SUGCT: variants seen among roughly 807,000 people sequenced by gnomAD.
SUGCT encodes the protein succinyl-CoA:glutarate-CoA transferase, also known as succinyl-CoA:glutarate CoA-transferase.
SUGCT carries 41 observed loss-of-function variants against 55.0 expected under a neutral mutation model. That is an observed-to-expected ratio of 0.74 (90% CI 0.58 to 0.97). The LOEUF (loss-of-function observed/expected upper bound fraction) is 0.97, where lower values mean the gene tolerates loss of function less well. Ranked by LOEUF, SUGCT falls within the 50% of genes least tolerant of loss-of-function variation. The probability of loss-of-function intolerance (pLI) is 0.00; values close to 1 mark genes in which losing one functional copy is unlikely to be tolerated. For synonymous variants in SUGCT, 187 were observed against 200.4 expected (o/e 0.93, Z 0.56); for missense variants, 568 against 547.8 (o/e 1.04, Z -0.37).
intron 13 of SUGCT, among the ~76,000 whole-genome samples, chr7:40,805,500 A>G (rs948973388): frequency 6.6e-6 from 1 of 152,202 alleles, no homozygotes; most frequent in Non-Finnish European, 1.5e-5. Flanking sequence ...GTCTTCACCA[A>G]TTTCTGGACT....
At chr7:40,682,249 C>T (rs1784282084) in intron 12 of SUGCT, among the ~76,000 whole-genome samples, 1 of 152,192 alleles carries the variant, frequency 6.6e-6, no homozygotes, top group South Asian at 2.1e-4. Flanking sequence ...CTCCCATTCC[C>T]CACCCTATAC....
At chr7:40,600,052 G>A (rs1005363609) in intron 12 of SUGCT, among the ~76,000 whole-genome samples, 10 of 152,256 alleles carry the variant, frequency 6.6e-5, no homozygotes, top group South Asian at 2.1e-4. Flanking sequence ...TCTTGTGCCC[G>A]TCAGCAGTTC....
the SUGCT span, among the ~76,000 whole-genome samples, chr7:41,030,067 C>T: frequency 6.6e-6 from 1 of 152,176 alleles, no homozygotes; most frequent in Non-Finnish European, 1.5e-5. Flanking sequence ...AAGGCTTCTC[C>T]ATGTCTTTTC....
Position 40,383,679 on chromosome 7 carries a change from G to A in SUGCT, c.817-65608G>A, listed in dbSNP as rs537778190. ...GGAATTCTGATAAGGAAGAGATTGT[G>A]TCCATTGGGACTAAGTTTGGGGTGG... On this transcript the variant is annotated intron_variant, in intron 9 of 13. Coordinates refer to ENST00000335693, the MANE Select transcript of SUGCT (RefSeq NM_001193313.2). 9.0e-4 allele frequency among the ~76,000 whole-genome samples: 137 copies of A among 152,296 alleles called. 1 individual carries two copies. Among genetic ancestry groups the A allele is most frequent in the African/African-American group, 3.2e-3 (133 of 41,556 alleles).
At chr7:41,001,290 A>G in the SUGCT span, among the ~76,000 whole-genome samples, 2 of 152,102 alleles carry the variant, frequency 1.3e-5, no homozygotes, top group Non-Finnish European at 2.9e-5. Flanking sequence ...TCAGAGAAGG[A>G]GTGTCACACA....
At chr7:40,151,734 A>C (rs754351305) in intron 1 of SUGCT, 1 of 164,476 alleles carries the variant, frequency 6.1e-6, no homozygotes, top group East Asian at 1.8e-4. Flanking sequence ...TCAAGTCACT[A>C]TGTAACTGCC....
intron 6 of SUGCT, among the ~76,000 whole-genome samples, chr7:40,207,678 G>A (rs990123929): frequency 2.6e-5 from 4 of 152,024 alleles, no homozygotes; most frequent in South Asian, 4.2e-4. Context: ...TTAGCCAGGC[G>A]TGGTGGCGGG....
chr7:40,666,676 A>G (rs1427096386), intron 12 of SUGCT, among the ~76,000 whole-genome samples: 1 of 152,034 alleles, frequency 6.6e-6, no homozygotes, highest in African/African-American at 2.4e-5. Flanking sequence ...GATATAATAC[A>G]TTTATGTTCC....
chr7:40,396,849 A>G (rs1167578780), intron 9 of SUGCT, among the ~76,000 whole-genome samples: 1 of 152,160 alleles, frequency 6.6e-6, no homozygotes, highest in Non-Finnish European at 1.5e-5. Context: ...TTCTTTAAGC[A>G]GTAACTGGAC....
At chr7:40,365,496 T>C (rs1367939877) in intron 9 of SUGCT, among the ~76,000 whole-genome samples, 2 of 152,124 alleles carry the variant, frequency 1.3e-5, no homozygotes, top group Admixed American at 6.5e-5. Context: ...GATGACATGA[T>C]TGTATATCTA....
chr7:40,693,071 C>G (rs763311292), intron 12 of SUGCT, among the ~76,000 whole-genome samples: 3 of 152,172 alleles, frequency 2.0e-5, no homozygotes, highest in Non-Finnish European at 2.9e-5. Flanking sequence ...GGAGCTACTT[C>G]TTAAACTAAG....
At chr7:40,608,004 G>A (rs1330928524) in intron 12 of SUGCT, among the ~76,000 whole-genome samples, 2 of 152,166 alleles carry the variant, frequency 1.3e-5, no homozygotes, top group African/African-American at 4.8e-5. Flanking sequence ...TTTGACTTGA[G>A]GGTCTTCAAC....
At chr7:40,383,399 G>A (rs561162283) in intron 9 of SUGCT, among the ~76,000 whole-genome samples, 1 of 152,220 alleles carries the variant, frequency 6.6e-6, no homozygotes, top group Admixed American at 6.5e-5. Flanking sequence ...ATTTCTATTA[G>A]GACGGGTTCA....
At chr7:40,480,920 G>A (rs182491546) in intron 11 of SUGCT, among the ~76,000 whole-genome samples, 230 of 152,212 alleles carry the variant, frequency 1.5e-3, no homozygotes, top group Admixed American at 2.7e-3. Context: ...GGCTAAATAA[G>A]AGTCAAAGAG....
the SUGCT span, among the ~76,000 whole-genome samples, chr7:40,937,079 G>A: frequency 3.9e-5 from 6 of 152,094 alleles, no homozygotes; most frequent in Non-Finnish European, 8.8e-5. Context: ...CTGTTGTTTG[G>A]TGGACCAAAT....
At chr7:40,822,200 G>T (rs935651283) in intron 13 of SUGCT, among the ~76,000 whole-genome samples, 1 of 152,144 alleles carries the variant, frequency 6.6e-6, no homozygotes, top group East Asian at 1.9e-4. Flanking sequence ...GGTCAATTTT[G>T]TAATAAGTGC....
rs546954760 is a variant in SUGCT at position 40,828,379 on chromosome 7, CA to C, written c.1154-31935del. Among the ~76,000 whole-genome samples the C allele has an allele frequency of 2.3e-4, 35 of 152,200 alleles. No individual in the cohort carries two copies. The South Asian group carries it at 7.3e-3, about 32-fold the overall frequency. On this transcript the variant is annotated intron_variant, in intron 13 of 13. Transcript: ENST00000335693. ...GTGAAGCTAGCATTTAATATTGTCACAACATTGAATGATCCTCTCCTTTCTC... is the reference window on the plus strand; with the variant it reads ...GTGAAGCTAGCATTTAATATTGTCACACATTGAATGATCCTCTCCTTTCTC...
chr7:40,689,129 T>C (rs1367687189), intron 12 of SUGCT, among the ~76,000 whole-genome samples: 2 of 152,200 alleles, frequency 1.3e-5, no homozygotes, highest in East Asian at 1.9e-4. Context: ...GGTTAAGACA[T>C]GTTCAGAAAG....
chr7:40,489,633 A>G (rs1328916574), intron 11 of SUGCT, among the ~76,000 whole-genome samples: 3 of 152,200 alleles, frequency 2.0e-5, no homozygotes, highest in Non-Finnish European at 4.4e-5. Flanking sequence ...GTGAGCCAAG[A>G]TCACACCACT....
Sources: gnomAD v4.1 joint callset for allele counts (sites outside exome capture counted in the v4.1 genomes callset) on GRCh38, gnomAD v4.1.1 for gene constraint, MANE v1.5 for transcripts, NCBI Gene and HGNC (gene_info 2026-07-23, HGNC 2026-07-21) for gene names.